The following ALDH1L2 variants were observed in gnomAD, a reference collection of about 807,000 sequenced individuals.
The protein encoded by ALDH1L2 is mitochondrial 10-formyltetrahydrofolate dehydrogenase.
In ALDH1L2, 91 loss-of-function variants were observed where a neutral mutation model predicts 111.0. The observed-to-expected ratio is 0.82, with a 90% CI of 0.69 to 0.98. The LOEUF is 0.98. Among genes scored for constraint, ALDH1L2 ranks in the 50% least tolerant of loss-of-function variants. The pLI is 0.00. For missense variants in ALDH1L2, 995 were observed against 1,126.8 expected (o/e 0.88, Z 1.67); for synonymous variants, 374 against 392.6 (o/e 0.95, Z 0.56).
At chr12:105,063,712 C>T (rs1220954912) in intron 6 of ALDH1L2, among the ~76,000 whole-genome samples, 8 of 152,136 alleles carry the variant, frequency 5.3e-5, no homozygotes, top group Non-Finnish European at 1.5e-5. Flanking sequence ...GGGCAATGCA[C>T]AGTGGTCACC....
chr12:105,046,889 C>T lies in ALDH1L2; in HGVS notation c.1757+10G>A, dbSNP rs756153086. On this transcript the variant is annotated intron_variant, in intron 14 of 22. Transcript: ENST00000258494. ...TCATGATTCACTCAGAGGCACTCTCCTTATCTTACCCGAGTGGCTCTTTCT... is the reference window on the plus strand; with the variant it reads ...TCATGATTCACTCAGAGGCACTCTCTTTATCTTACCCGAGTGGCTCTTTCT... The T allele has an allele frequency of 1.4e-5, 23 of 1,613,860 alleles. No homozygotes were observed. Among genetic ancestry groups the T allele is most frequent in the Non-Finnish European group, 1.9e-5 (22 of 1,179,880 alleles).
chr12:105,059,507 T>C (rs189512692), intron 9 of ALDH1L2, among the ~76,000 whole-genome samples: 1 of 152,052 alleles, frequency 6.6e-6, no homozygotes, highest in Non-Finnish European at 1.5e-5. Flanking sequence ...ATCATCATAA[T>C]GTAGTATTGA....
At chr12:105,025,363 G>A (rs1874359263) in intron 22 of ALDH1L2, among the ~76,000 whole-genome samples, 1 of 152,154 alleles carries the variant, frequency 6.6e-6, no homozygotes, top group African/African-American at 2.4e-5. Context: ...TAAAATTGGG[G>A]GAGGAAGAAA....
intron 1 of ALDH1L2, among the ~76,000 whole-genome samples, chr12:105,083,803 T>C (rs942824293): frequency 6.6e-6 from 1 of 152,154 alleles, no homozygotes; most frequent in South Asian, 2.1e-4. Flanking sequence ...TGTTCCAGCG[T>C]GGCTGCCTCT....
chr12:105,045,487 A>G (rs1055152802), intron 15 of ALDH1L2, among the ~76,000 whole-genome samples: 2 of 128,036 alleles, frequency 1.6e-5, no homozygotes, highest in African/African-American at 5.5e-5. Context: ...CTACATATAC[A>G]TAATGAAACT....
In ALDH1L2 at chr12:105,021,813, G is replaced by T. The variant is rs926050900; in HGVS notation, c.*2611C>A. The T allele has an allele frequency of 2.0e-5, 3 of 152,090 alleles. No individual in the cohort carries two copies. Among genetic ancestry groups the T allele is most frequent in the Non-Finnish European group, 1.5e-5 (1 of 68,054 alleles). The allele number at this position is 152,090 out of a possible 1,614,324, so 9.4% of individuals were successfully genotyped here. ...GGGTTGTTCATATCTAATTAAGAAG[G>T]CAAGTAATTTTAGTACAAGTGGTAA... On this transcript the variant is annotated 3_prime_UTR_variant, in exon 23 of 23. Transcript: ENST00000258494.
At chr12:105,029,581 T>C (rs1874595609) in intron 21 of ALDH1L2, among the ~76,000 whole-genome samples, 1 of 152,198 alleles carries the variant, frequency 6.6e-6, no homozygotes, top group Non-Finnish European at 1.5e-5. Flanking sequence ...AGAAATGGCA[T>C]AGCATGCATC....
chr12:105,073,297 G>A (rs1284878686), intron 2 of ALDH1L2, among the ~76,000 whole-genome samples: 1 of 152,158 alleles, frequency 6.6e-6, no homozygotes, highest in Non-Finnish European at 1.5e-5. Flanking sequence ...CAGAACACAC[G>A]CTGTTACCCA....
At chr12:105,036,530 A>AT (rs1287814915) in intron 18 of ALDH1L2, among the ~76,000 whole-genome samples, 4 of 24,310 alleles carry the variant, frequency 1.6e-4, no homozygotes, top group Non-Finnish European at 2.5e-4. Flanking sequence ...ATATATATAT[A>AT]TATATATATA....
intron 1 of ALDH1L2, among the ~76,000 whole-genome samples, chr12:105,081,282 G>A (rs1277857076): frequency 2.0e-5 from 3 of 152,152 alleles, no homozygotes; most frequent in Admixed American, 2.0e-4. Context: ...AGAGTCCTCA[G>A]TGTATAACAG....
chr12:105,050,044 A>T lies in ALDH1L2; in HGVS notation c.1550T>A (p.Leu517Gln). The T allele has an allele frequency of 6.2e-7, 1 of 1,602,040 alleles. No individual in the cohort carries two copies. Among genetic ancestry groups the T allele is most frequent in the Non-Finnish European group, 8.5e-7 (1 of 1,174,800 alleles). ...GRLMYRLADL[L>Q]EENQEELATI... ...TGCCAGCTCTTCTTGGTTCTCTTCC[A>T]GTAGGTCTGCAAGTCTGTGTGGTCA... The change falls in exon 13 of 23, where the codon CTG (leucine) becomes CAG (glutamine). Residue 517 changes from leucine to glutamine, a missense_variant. Transcript: ENST00000258494.
intron 1 of ALDH1L2, chr12:105,074,261 C>T: frequency 3.2e-6 from 1 of 309,216 alleles, no homozygotes; most frequent in South Asian, 4.3e-5. Flanking sequence ...AGTTTGAAAC[C>T]AGCCTAGCCA....
At chr12:105,072,109 A>T (rs1415878638) in intron 2 of ALDH1L2, among the ~76,000 whole-genome samples, 2 of 148,104 alleles carry the variant, frequency 1.4e-5, no homozygotes, top group Non-Finnish European at 3.0e-5. Context: ...TTAAGTGTAT[A>T]AAATATATAT....
intron 1 of ALDH1L2, among the ~76,000 whole-genome samples, chr12:105,077,175 A>ATAGG (rs1878094129): frequency 6.6e-6 from 1 of 152,218 alleles, no homozygotes; most frequent in Non-Finnish European, 1.5e-5. Context: ...GGCTCTCACT[A>ATAGG]TAGGTGTCTG....
chr12:105,040,531 CTA>C, intron 16 of ALDH1L2, 74 bp downstream of exon 16: 1 of 1,302,702 alleles, frequency 7.7e-7, no homozygotes, highest in Non-Finnish European at 1.1e-6. Context: ...GGACAAGTCT[CTA>C]GAGGTAAAAG....
chr12:105,034,229 C>T, intron 19 of ALDH1L2, 71 bp downstream of exon 19: 1 of 1,440,598 alleles, frequency 6.9e-7, no homozygotes, highest in South Asian at 1.2e-5. Context: ...CATGAACAAT[C>T]CTAGAAGTAG....
chr12:105,046,743 T>C lies in ALDH1L2; in HGVS notation c.1830A>G (p.Ala610=). The change falls in exon 15 of 23, where the codon GCA becomes GCG. Residue 610 remains alanine (A), a synonymous_variant. Transcript: ENST00000258494. ...MLAWKSAACL[A]AGNTLVLKPA... is the part of the protein sequence containing the mutation. ...GCTTGAGCACTAAGGTATTGCCTGCTGCCAAACACGCAGCACTCTTCCATG... is the reference window on the plus strand; with the variant it reads ...GCTTGAGCACTAAGGTATTGCCTGCCGCCAAACACGCAGCACTCTTCCATG... The C allele has an allele frequency of 1.2e-6, 2 of 1,614,124 alleles. No homozygotes were observed. The highest frequency in any genetic ancestry group is 1.7e-6 in the Non-Finnish European group (2 of 1,180,014).
intron 1 of ALDH1L2, among the ~76,000 whole-genome samples, chr12:105,080,552 T>C (rs1449077411): frequency 6.6e-6 from 1 of 152,216 alleles, no homozygotes; most frequent in African/African-American, 2.4e-5. Flanking sequence ...CTGAAAAAGT[T>C]AGTTCACTTC....
intron 15 of ALDH1L2, among the ~76,000 whole-genome samples, chr12:105,044,053 T>G (rs181066364): frequency 3.3e-4 from 50 of 152,320 alleles, no homozygotes; most frequent in African/African-American, 1.2e-3. Flanking sequence ...TCCAATAAAA[T>G]TAAAAAGTCC....
Sources: gnomAD v4.1 joint callset for allele counts (sites outside exome capture counted in the v4.1 genomes callset) on GRCh38, gnomAD v4.1.1 for gene constraint, MANE v1.5 for transcripts, NCBI Gene and HGNC (gene_info 2026-07-23, HGNC 2026-07-21) for gene names.